IREB2: variants seen among roughly 807,000 people sequenced by gnomAD.
The protein encoded by IREB2 is iron responsive element binding protein 2, also known as iron-responsive element-binding protein 2.
In IREB2, 39 loss-of-function variants were observed where a neutral mutation model predicts 118.8. The ratio of observed to expected loss-of-function variants is 0.33; its 90% CI spans 0.25 to 0.43. IREB2 has a LOEUF of 0.43. Ranked by LOEUF, IREB2 falls within the 20% of genes least tolerant of loss-of-function variation. The pLI is 1.00. For synonymous variants in IREB2, 372 were observed against 392.2 expected, an observed-to-expected ratio of 0.95 and a Z score of 0.61; for missense variants, 900 against 1,147.3, an observed-to-expected ratio of 0.78 and a Z score of 3.11.
intron 1 of IREB2, chr15:78,438,583 AC>A: frequency 1.8e-6 from 1 of 548,458 alleles, no homozygotes; most frequent in South Asian, 2.3e-5. Flanking sequence ...AGGGCGGGCC[AC>A]CCCACCGCTG....
intron 8 of IREB2, chr15:78,475,193 A>G (rs1375702624): frequency 6.6e-6 from 1 of 151,854 alleles, no homozygotes; most frequent in East Asian, 1.9e-4. Flanking sequence ...AGGGCTTAAT[A>G]TTATTCATAG....
At chr15:78,467,732 A>G (rs1187392036) in intron 5 of IREB2, among the ~76,000 whole-genome samples, 5 of 152,284 alleles carry the variant, frequency 3.3e-5, no homozygotes, top group South Asian at 4.1e-4. Context: ...TATGTACTAT[A>G]AAGTTTCCAA....
chr15:78,471,731 C>T lies in IREB2; in HGVS notation c.700-10C>T. 1.3e-6 allele frequency: 2 copies of T among 1,541,520 alleles called. No homozygotes were observed. Among genetic ancestry groups the T allele is most frequent in the Admixed American group, 2.0e-5 (1 of 50,592 alleles). On this transcript the variant is annotated splice_polypyrimidine_tract_variant and intron_variant, in intron 6 of 21. Coordinates refer to ENST00000258886, the MANE Select transcript of IREB2 (RefSeq NM_004136.4). ...AACATTTGTATTTCTTAAATTTAAA[C>T]AAAATATAGTGGAGTTCAAGAGTTT... is the stretch of plus-strand genomic sequence containing the variant.
In IREB2 at chr15:78,494,272, A is replaced by C. The variant is rs758031526; in HGVS notation, c.2595+8A>C. 4 of 1,607,934 alleles carry C rather than the reference A, an allele frequency of 2.5e-6. No homozygotes were observed. Among genetic ancestry groups the C allele is most frequent in the Non-Finnish European group, 3.4e-6 (4 of 1,178,448 alleles). On this transcript the variant is annotated splice_region_variant and intron_variant, in intron 20 of 21. Coordinates refer to ENST00000258886, the MANE Select transcript of IREB2 (RefSeq NM_004136.4). ...AAAGGACCGTATTTACTGGTATTGA[A>C]TCTTAAAATTTATCATCTTAAGCTT... is the stretch of plus-strand genomic sequence containing the variant.
At chr15:78,492,930 T>A (rs1198670361) in intron 18 of IREB2, among the ~76,000 whole-genome samples, 1 of 152,134 alleles carries the variant, frequency 6.6e-6, no homozygotes, top group Admixed American at 6.6e-5. Flanking sequence ...AGTATCACTA[T>A]TTTACGGTCT....
chr15:78,454,539 T>C (rs1383778674), intron 2 of IREB2, among the ~76,000 whole-genome samples: 1 of 152,194 alleles, frequency 6.6e-6, no homozygotes, highest in Non-Finnish European at 1.5e-5. Context: ...TAAATAGGCA[T>C]GAGAGATCTG....
chr15:78,438,028 A>G (rs1226012002), upstream of IREB2: 12 of 440,472 alleles, frequency 2.7e-5, no homozygotes, highest in African/African-American at 1.6e-4. Context: ...CAACGCCCCC[A>G]CTGGAGCCTC....
At position 78,465,310 on chromosome 15, in the gene IREB2, G is replaced by T. The variant is rs1240691459; in HGVS notation, c.332G>T (p.Gly111Val). Reference protein sequence around the residue: ...AMREAVKTLGGDPEKVHPACP... With the variant: ...AMREAVKTLGVDPEKVHPACP... ...AGGGAGGCAGTGAAAACTCTTGGAG[G>T]TGATCCTGAGAAAGTCCATCCTGCT... Residue 111 changes from glycine (G) to valine (V), a missense_variant, in exon 4 of 22, where the codon GGT becomes GTT. Physicochemically the swap from Gly to Val is moderately radical, Grantham distance 109. Coordinates refer to ENST00000258886, the MANE Select transcript of IREB2 (RefSeq NM_004136.4). The T allele has an allele frequency of 1.9e-6, 3 of 1,613,602 alleles. No homozygotes were observed. Among genetic ancestry groups the T allele is most frequent in the Non-Finnish European group, 2.5e-6 (3 of 1,179,718 alleles).
intron 20 of IREB2, among the ~76,000 whole-genome samples, chr15:78,496,287 A>T (rs996095128): frequency 6.6e-6 from 1 of 152,054 alleles, no homozygotes; most frequent in African/African-American, 2.4e-5. Flanking sequence ...TATTTTTTGG[A>T]GACAGGGTCT....
chr15:78,497,425 C>T, intron 21 of IREB2, 114 bp downstream of exon 21: 1 of 764,518 alleles, frequency 1.3e-6, no homozygotes, highest in Non-Finnish European at 2.1e-6. Context: ...TGTTAAGTTG[C>T]CATTTAAGAT....
intron 2 of IREB2, among the ~76,000 whole-genome samples, chr15:78,446,809 G>T (rs186301859): frequency 5.9e-5 from 9 of 152,152 alleles, no homozygotes; most frequent in African/African-American, 1.9e-4. Context: ...ACAGGCCACC[G>T]AGAACTGTAG....
intron 13 of IREB2, 152 bp from the exon 14 acceptor site, chr15:78,487,581 T>C (rs759518236): frequency 1.9e-6 from 1 of 538,620 alleles, no homozygotes; most frequent in Admixed American, 3.6e-5. Flanking sequence ...CTCAGAATCT[T>C]CTGAGGTGAA....
At chr15:78,483,035 G>A (rs375839556) in intron 10 of IREB2, among the ~76,000 whole-genome samples, 2 of 152,106 alleles carry the variant, frequency 1.3e-5, no homozygotes, top group East Asian at 1.9e-4. Context: ...CACCGCGCCC[G>A]GCCCCAGATT....
intron 16 of IREB2, among the ~76,000 whole-genome samples, chr15:78,489,187 A>G (rs1596013425): frequency 6.6e-6 from 1 of 151,420 alleles, no homozygotes; most frequent in African/African-American, 2.4e-5. Context: ...GCGCCACTGC[A>G]CTCCAGCCTG....
intron 2 of IREB2, among the ~76,000 whole-genome samples, chr15:78,444,448 C>T (rs2050895758): frequency 1.3e-5 from 2 of 151,990 alleles, no homozygotes; most frequent in Admixed American, 1.3e-4. Context: ...GTGTAAAGCC[C>T]CCAGGCACCC....
chr15:78,446,163 A>C (rs1480220646), intron 2 of IREB2, among the ~76,000 whole-genome samples: 1 of 152,178 alleles, frequency 6.6e-6, no homozygotes, highest in African/African-American at 2.4e-5. Flanking sequence ...TAGAGACACA[A>C]ATCTGTTCAT....
chr15:78,483,437 A>T lies in IREB2; in HGVS notation c.1413+3A>T, dbSNP rs767812744. 6.8e-7 allele frequency: 1 copy of T among 1,478,482 alleles called. No homozygotes were observed. Among genetic ancestry groups the T allele is most frequent in the Admixed American group, 1.7e-5 (1 of 59,818 alleles). 91.6% of individuals were successfully genotyped at this position (1,478,482 alleles called of 1,614,324 possible). ...TCCAGGCTTGCTTAAATGAAAAGGT[A>T]GGTTACTTTATTCTTATCCGTGTTT... is the stretch of plus-strand genomic sequence containing the variant. On this transcript the variant is annotated splice_donor_region_variant and intron_variant, in intron 11 of 21. Coordinates refer to ENST00000258886, the MANE Select transcript of IREB2 (RefSeq NM_004136.4).
At position 78,490,744 on chromosome 15, in the gene IREB2, G is replaced by C; in HGVS notation, c.2307G>C (p.Lys769Asn). Reference sequence around the variant, plus strand: ...TCGCTAGGAATAGTGCTGCCGCTAAGTATTTGACAAACAGAGGGTATGTGT... The same window carrying C: ...TCGCTAGGAATAGTGCTGCCGCTAACTATTTGACAAACAGAGGGTATGTGT... ...GSIARNSAAA[K>N]YLTNRGLTPR... is the part of the protein sequence containing the mutation. Residue 769 changes from lysine (K) to asparagine (N), a missense_variant, in exon 18 of 22, where the codon AAG (lysine) becomes AAC (asparagine). By Grantham distance (94) the Lys-to-Asn change is moderately conservative. Coordinates refer to ENST00000258886, the MANE Select transcript of IREB2 (RefSeq NM_004136.4). The C allele has an allele frequency of 1.9e-6, 3 of 1,614,100 alleles. No individual in the cohort carries two copies. Among genetic ancestry groups the C allele is most frequent in the Non-Finnish European group, 2.5e-6 (3 of 1,179,994 alleles).
chr15:78,465,123 C>T, intron 3 of IREB2, 128 bp from the exon 4 acceptor site: 3 of 709,360 alleles, frequency 4.2e-6, no homozygotes, highest in Non-Finnish European at 6.8e-6. Context: ...TTATAAAGTA[C>T]ATTATGAAAA....
Sources: gnomAD v4.1 joint callset for allele counts (sites outside exome capture counted in the v4.1 genomes callset) on GRCh38, gnomAD v4.1.1 for gene constraint, MANE v1.5 for transcripts, NCBI Gene and HGNC (gene_info 2026-07-23, HGNC 2026-07-21) for gene names.